Variants in LCP1 observed in about 807,000 individuals in gnomAD.
LCP1 encodes lymphocyte cytosolic protein 1, also known as plastin-2.
In LCP1, 23 loss-of-function variants were observed where a neutral mutation model predicts 72.0. The observed-to-expected ratio is 0.32, with a 90% CI of 0.23 to 0.45. LCP1 has a LOEUF of 0.45. Among genes scored for constraint, LCP1 ranks in the 20% least tolerant of loss-of-function variants. The probability of loss-of-function intolerance (pLI) is 1.00; values close to 1 mark genes in which losing one functional copy is unlikely to be tolerated. For synonymous variants in LCP1, 245 were observed against 275.4 expected, an observed-to-expected ratio of 0.89 and a Z score of 1.09; for missense variants, 571 against 748.3, an observed-to-expected ratio of 0.76 and a Z score of 2.76.
intron 1 of LCP1, among the ~76,000 whole-genome samples, chr13:46,174,919 T>C (rs967457968): frequency 6.6e-6 from 1 of 151,082 alleles, no homozygotes; most frequent in Non-Finnish European, 1.5e-5. Flanking sequence ...AAAAAGTATA[T>C]AGACATATTA....
rs982516093 is a variant in LCP1 at position 46,142,630 on chromosome 13, A to G, written c.1369-205T>C. ...AGAACCCCTCACTTTCATAAAAAAT[A>G]TTCATAATGTGGAAAACTGAAATGA... On this transcript the variant is annotated intron_variant, in intron 12 of 15. Coordinates refer to ENST00000323076, the MANE Select transcript of LCP1 (RefSeq NM_002298.5). The G allele has an allele frequency of 8.3e-6, 5 of 599,500 alleles. No homozygotes were observed. In the African/African-American group the frequency reaches 9.3e-5, roughly 11 times the overall value. The allele number at this position is 599,500 out of a possible 1,614,324, so 37.1% of individuals were successfully genotyped here.
chr13:46,160,607 C>T (rs1284108248), intron 1 of LCP1, among the ~76,000 whole-genome samples: 1 of 152,106 alleles, frequency 6.6e-6, no homozygotes, highest in Non-Finnish European at 1.5e-5. Flanking sequence ...CTCAGAAAAG[C>T]GACAGTCTTG....
chr13:46,136,724 A>G (rs1231729418), intron 13 of LCP1, among the ~76,000 whole-genome samples: 1 of 152,198 alleles, frequency 6.6e-6, no homozygotes, highest in Admixed American at 6.5e-5. Context: ...TGTAACATCT[A>G]AGAATTTCTG....
intron 1 of LCP1, among the ~76,000 whole-genome samples, chr13:46,179,979 T>C (rs2045948775): frequency 6.6e-6 from 1 of 151,824 alleles, no homozygotes. Context: ...CTTCTCTCTC[T>C]CTCTCTCTTC....
intron 1 of LCP1, among the ~76,000 whole-genome samples, chr13:46,162,266 C>T (rs2045843726): frequency 8.5e-6 from 1 of 117,066 alleles, no homozygotes; most frequent in African/African-American, 3.3e-5. Context: ...CCTCCCCCTC[C>T]CTCCCCCTCC....
chr13:46,172,886 C>T (rs578159420), intron 1 of LCP1, among the ~76,000 whole-genome samples: 3 of 152,320 alleles, frequency 2.0e-5, no homozygotes, highest in African/African-American at 7.2e-5. Context: ...GGTGAAGTCA[C>T]TCCCCAAAGT....
intron 1 of LCP1, among the ~76,000 whole-genome samples, chr13:46,179,822 G>A (rs186631447): frequency 2.6e-5 from 4 of 152,000 alleles, no homozygotes; most frequent in Non-Finnish European, 4.4e-5. Flanking sequence ...GAAGTGGGTC[G>A]AGGCAAGTTT....
At chr13:46,143,216 A>G (rs1014183622) in intron 12 of LCP1, 74 bp downstream of exon 12, 8 of 976,156 alleles carry the variant, frequency 8.2e-6, no homozygotes, top group African/African-American at 4.9e-5. Flanking sequence ...TGGCTGCCTT[A>G]TAAAGTATTT....
At chr13:46,137,231 G>A (rs2045670312) in intron 13 of LCP1, among the ~76,000 whole-genome samples, 1 of 150,728 alleles carries the variant, frequency 6.6e-6, no homozygotes, top group Admixed American at 6.6e-5. Flanking sequence ...AAAACACAAA[G>A]AGAAGAAAGA....
intron 2 of LCP1, 66 bp from the exon 3 acceptor site, chr13:46,159,055 G>T: frequency 6.7e-7 from 1 of 1,485,592 alleles, no homozygotes; most frequent in Non-Finnish European, 9.3e-7. Flanking sequence ...AGAGGTGAGG[G>T]AAGACTAGAT....
intron 1 of LCP1, among the ~76,000 whole-genome samples, chr13:46,172,415 C>CA (rs575809620): frequency 0.013 from 1,971 of 152,106 alleles, 37 homozygotes; most frequent in African/African-American, 0.045. Context: ...ACCCGGGAGG[C>CA]AGAGGTTGCA....
rs1433367851 is a variant in LCP1, at chr13:46,148,380, G to A, written c.950C>T (p.Ala317Val). The change falls in exon 9 of 16, where the codon GCT (alanine) becomes GTT (valine). Residue 317 changes from alanine (A) to valine (V), a missense_variant. Physicochemically the swap from Ala to Val is moderately conservative, Grantham distance 64 (BLOSUM62 0). Coordinates refer to ENST00000323076, the MANE Select transcript of LCP1 (RefSeq NM_002298.5). The part of the protein sequence containing the change: ...APKGDEEGVP[A>V]VVIDMSGLRE... ...CAGTCCTGACATGTCAATAACAACA[G>A]CAGGAACACCTTCTTCATCTCCTTT... is the stretch of plus-strand genomic sequence containing the variant. 1 of 1,613,192 alleles carries A rather than the reference G, an allele frequency of 6.2e-7. No homozygotes were observed. The highest frequency in any genetic ancestry group is 1.1e-5 in the South Asian group (1 of 91,076).
intron 14 of LCP1, 43 bp from the exon 15 acceptor site, chr13:46,130,981 G>A (rs1284397742): frequency 6.5e-7 from 1 of 1,538,518 alleles, no homozygotes. Context: ...GTGTCCCAAA[G>A]TTACTCCCAT....
intron 13 of LCP1, among the ~76,000 whole-genome samples, chr13:46,141,275 G>A (rs1040318693): frequency 2.6e-5 from 4 of 151,736 alleles, no homozygotes; most frequent in South Asian, 2.1e-4. Context: ...GCATGGTGGC[G>A]TGGACCTGTA....
intron 1 of LCP1, among the ~76,000 whole-genome samples, chr13:46,173,164 T>C (rs1268357952): frequency 6.6e-6 from 1 of 152,204 alleles, no homozygotes; most frequent in Non-Finnish European, 1.5e-5. Flanking sequence ...TTAGGATCAT[T>C]ATATATTGTT....
At position 46,130,925 on chromosome 13, in the gene LCP1, C is replaced by T. The variant is rs746245928; in HGVS notation, c.1640G>A (p.Ser547Asn). The change falls in exon 15 of 16, where the codon AGT becomes AAT. Residue 547 changes from serine to asparagine, a missense_variant. By Grantham distance (46) the Ser-to-Asn change is conservative. Coordinates refer to ENST00000323076, the MANE Select transcript of LCP1 (RefSeq NM_002298.5). ...SISSFKDPKI[S>N]TSLPVLDLID... ...GAGGTCCAGAACAGGCAGACTTGTA[C>T]TAATCTTCGGGTCCTATGCAGAGAC... 3 of 1,606,530 alleles carry T rather than the reference C, an allele frequency of 1.9e-6. No homozygotes were observed. Among genetic ancestry groups the T allele is most frequent in the South Asian group, 1.1e-5 (1 of 89,432 alleles).
At position 46,152,950 on chromosome 13, in the gene LCP1, G is replaced by C. The variant is rs1485031652; in HGVS notation, c.574-5C>G. 1 of 1,602,718 alleles carries C rather than the reference G, an allele frequency of 6.2e-7. No homozygotes were observed. The highest frequency in any genetic ancestry group is 8.5e-7 in the Non-Finnish European group (1 of 1,176,330). On this transcript the variant is annotated splice_region_variant and splice_polypyrimidine_tract_variant and intron_variant, in intron 6 of 15. Transcript: ENST00000323076. ...CAGAGCCAAGTTCAGATTTTCCTGA[G>C]GGAGAAAATGTATGCAAGTTTTTGT...
chr13:46,149,831 A>G (rs191131963), intron 8 of LCP1, among the ~76,000 whole-genome samples: 2 of 152,340 alleles, frequency 1.3e-5, no homozygotes, highest in South Asian at 2.1e-4. Context: ...AAGTTTTGCA[A>G]TTGCAGAGCT....
chr13:46,176,781 T>C (rs951196264), intron 1 of LCP1, among the ~76,000 whole-genome samples: 6 of 152,228 alleles, frequency 3.9e-5, no homozygotes, highest in African/African-American at 1.4e-4. Context: ...TTTTCTGCTA[T>C]GGAAAACATA....
Sources: allele counts gnomAD v4.1 joint callset (sites outside exome capture counted in the v4.1 genomes callset), GRCh38; gene constraint gnomAD v4.1.1; transcripts MANE v1.5; gene names NCBI Gene and HGNC (gene_info 2026-07-23, HGNC 2026-07-21).